SEL1L2: variants seen among roughly 807,000 people sequenced by gnomAD.
The protein encoded by SEL1L2 is protein sel-1 homolog 2.
Under a neutral mutation model 98.8 loss-of-function variants are expected in SEL1L2, and 89 were observed. The ratio of observed to expected loss-of-function variants is 0.90; its 90% CI spans 0.76 to 1.07. The LOEUF is 1.07. Among genes scored for constraint, SEL1L2 ranks in the 50% least tolerant of loss-of-function variants. SEL1L2 has a pLI of 0.00. For synonymous variants in SEL1L2, 262 were observed against 278.5 expected (o/e 0.94, Z 0.59); for missense variants, 788 against 812.0 (o/e 0.97, Z 0.36).
intron 12 of SEL1L2, among the ~76,000 whole-genome samples, chr20:13,871,741 G>C (rs2046206322): frequency 6.7e-6 from 1 of 150,048 alleles, no homozygotes; most frequent in African/African-American, 2.4e-5. Flanking sequence ...CAAACTCCTA[G>C]CCTCAAGTGA....
At chr20:13,939,032 C>CTTGTT (rs779841262) in intron 2 of SEL1L2, among the ~76,000 whole-genome samples, 18 of 65,564 alleles carry the variant, frequency 2.7e-4, no homozygotes, top group African/African-American at 9.8e-4. Context: ...GGTTTGTTTG[C>CTTGTT]TTGTTTTGTT....
In SEL1L2 at chr20:13,915,364, G is replaced by A. The variant is rs1417608062; in HGVS notation, c.387-1420C>T. The A allele has an allele frequency of 4.8e-6, 3 of 625,166 alleles. No individual in the cohort carries two copies. In the Admixed American group the frequency reaches 9.5e-5, roughly 20 times the overall value. 38.7% of individuals were successfully genotyped at this position (625,166 alleles called of 1,614,324 possible). A position where few individuals can be genotyped will look rare whatever the true frequency, so the allele number is the denominator to read the frequency against. On this transcript the variant is annotated intron_variant, in intron 4 of 19. Coordinates refer to ENST00000284951, the MANE Select transcript of SEL1L2 (RefSeq NM_025229.2). ...CCAGCTGAAATTCTGGAGGCGGGAA[G>A]GCAAACAAGGCAGATGGTCTCAAGG...
intron 18 of SEL1L2, among the ~76,000 whole-genome samples, chr20:13,854,746 A>G (rs1988861756): frequency 6.6e-6 from 1 of 152,194 alleles, no homozygotes; most frequent in Non-Finnish European, 1.5e-5. Flanking sequence ...GTTTAGAAGT[A>G]GATATCTTTT....
At chr20:13,852,505 G>T (rs1988437152) in intron 18 of SEL1L2, among the ~76,000 whole-genome samples, 1 of 152,090 alleles carries the variant, frequency 6.6e-6, no homozygotes, top group South Asian at 2.1e-4. Context: ...TCTAAGTCAT[G>T]CAAACAAAAA....
intron 18 of SEL1L2, among the ~76,000 whole-genome samples, chr20:13,855,829 T>C (rs1037458711): frequency 2.0e-5 from 3 of 152,222 alleles, no homozygotes; most frequent in Non-Finnish European, 4.4e-5. Flanking sequence ...AGCTAGCAGG[T>C]GGATCCAAAG....
At chr20:13,885,623 A>G (rs2147980111) in intron 9 of SEL1L2, among the ~76,000 whole-genome samples, 1 of 152,312 alleles carries the variant, frequency 6.6e-6, no homozygotes, top group East Asian at 1.9e-4. Flanking sequence ...TCTGGGGTAC[A>G]GAAACACCCA....
chr20:13,982,383 T>C (rs903005758), intron 1 of SEL1L2, among the ~76,000 whole-genome samples: 1 of 151,550 alleles, frequency 6.6e-6, no homozygotes, highest in African/African-American at 2.4e-5. Flanking sequence ...TGGTGGTGCA[T>C]GCCTGAGGTC....
At chr20:13,963,528 C>T (rs563469538) in intron 1 of SEL1L2, among the ~76,000 whole-genome samples, 2 of 151,770 alleles carry the variant, frequency 1.3e-5, no homozygotes, top group East Asian at 3.9e-4. Flanking sequence ...ACCAGCCTGG[C>T]CAACATGGTG....
chr20:13,939,042 T>TTTTTTTTTTTG lies in SEL1L2; in HGVS notation c.115-7272_115-7271insCAAAAAAAAAA, dbSNP rs1569006439. Among the ~76,000 whole-genome samples, 6 of 38,112 alleles carry TTTTTTTTTTTG rather than the reference T, an allele frequency of 1.6e-4. 1 individual carries two copies. Among genetic ancestry groups the TTTTTTTTTTTG allele is most frequent in the African/African-American group, 3.7e-4 (6 of 16,164 alleles). 25.0% of individuals were successfully genotyped at this position (38,112 alleles called of 152,430 possible). On this transcript the variant is annotated intron_variant, in intron 2 of 19. Transcript: ENST00000284951. ...TTTTTGGTTTGTTTGCTTGTTTTGT[T>TTTTTTTTTTTG]TTTTTTTTTTTTTTTTTCTGAGATG...
At chr20:13,873,179 G>A (rs1394180315) in intron 12 of SEL1L2, among the ~76,000 whole-genome samples, 2 of 151,012 alleles carry the variant, frequency 1.3e-5, no homozygotes, top group African/African-American at 2.4e-5. Flanking sequence ...CTGTAGACAC[G>A]GGATTTCACC....
At chr20:13,995,108 TCCAAG>T (rs1345447498), upstream of SEL1L2, 1 of 157,426 alleles carries the variant, frequency 6.4e-6, no homozygotes, top group Non-Finnish European at 1.4e-5. The surrounding 1 kb of genome is among the most constrained non-coding windows in gnomAD (Gnocchi z 4.3). Flanking sequence ...TTCTACATCC[TCCAAG>T]TCCCTGAGGC....
chr20:13,986,339 T>C (rs2052181802), intron 1 of SEL1L2, among the ~76,000 whole-genome samples: 1 of 152,194 alleles, frequency 6.6e-6, no homozygotes, highest in Admixed American at 6.5e-5. Context: ...ATTACCTTTC[T>C]ACAGTTTCAA....
At chr20:13,908,502 T>C (rs1279702005) in intron 5 of SEL1L2, among the ~76,000 whole-genome samples, 3 of 152,204 alleles carry the variant, frequency 2.0e-5, no homozygotes, top group Non-Finnish European at 2.9e-5. Flanking sequence ...TTGAGGACAG[T>C]TCATCAATAT....
chr20:13,888,095 TC>T, intron 6 of SEL1L2, 94 bp from the exon 7 acceptor site: 1 of 1,014,358 alleles, frequency 9.9e-7, no homozygotes, highest in Non-Finnish European at 1.5e-6. Context: ...TATTCCTAGC[TC>T]CATAATGACC....
At chr20:13,926,130 AGT>A (rs1464087359) in intron 3 of SEL1L2, among the ~76,000 whole-genome samples, 20 of 152,288 alleles carry the variant, frequency 1.3e-4, no homozygotes, top group South Asian at 8.3e-4. Flanking sequence ...CATCCTGGCT[AGT>A]ACGGTGAAAC....
At chr20:13,851,495 C>T (rs1988248100) in intron 18 of SEL1L2, 1 of 151,770 alleles carries the variant, frequency 6.6e-6, no homozygotes, top group Non-Finnish European at 1.5e-5. Flanking sequence ...TTTTGGCTCT[C>T]ATGTTGAAGA....
At chr20:13,908,103 C>CTTTTTTTTTT (rs71188195) in intron 5 of SEL1L2, among the ~76,000 whole-genome samples, 2 of 26,720 alleles carry the variant, frequency 7.5e-5, no homozygotes, top group African/African-American at 3.2e-4. Flanking sequence ...TTTCTTGGTT[C>CTTTTTTTTTT]TTTTTTTTTT....
intron 10 of SEL1L2, among the ~76,000 whole-genome samples, chr20:13,879,869 AAT>A (rs1316762117): frequency 6.6e-6 from 1 of 152,150 alleles, no homozygotes; most frequent in Non-Finnish European, 1.5e-5. Context: ...CCATGACCAA[AAT>A]ATGTCCCCAG....
intron 2 of SEL1L2, among the ~76,000 whole-genome samples, chr20:13,953,182 T>A (rs1294869868): frequency 6.6e-6 from 1 of 152,214 alleles, no homozygotes; most frequent in Non-Finnish European, 1.5e-5. Context: ...GTCGGGCTTT[T>A]GGCCTCCCTC....
Sources: gnomAD v4.1 joint callset for allele counts (sites outside exome capture counted in the v4.1 genomes callset) on GRCh38, gnomAD v4.1.1 for gene constraint, Gnocchi (gnomAD v3.1) non-coding constraint, MANE v1.5 for transcripts, NCBI Gene and HGNC (gene_info 2026-07-23, HGNC 2026-07-21) for gene names.